Variants in GALNT5 observed in about 807,000 individuals in gnomAD.
GALNT5 encodes the protein UDP-GalNAc:polypeptide N-acetylgalactosaminyltransferase 5.
Under a neutral mutation model 85.4 loss-of-function variants are expected in GALNT5, and 72 were observed. The ratio of observed to expected loss-of-function variants is 0.84; its 90% CI spans 0.70 to 1.03. GALNT5 has a LOEUF of 1.03. Among genes scored for constraint, GALNT5 ranks in the 50% least tolerant of loss-of-function variants. The pLI, the probability that GALNT5 is intolerant of heterozygous loss-of-function variation, is 0.00. For missense variants in GALNT5, 1,137 were observed against 1,135.5 expected (o/e 1.00, Z -0.02); for synonymous variants, 404 against 397.0 (o/e 1.02, Z -0.21).
In GALNT5 at chr2:157,277,269, G is replaced by A. The variant is rs529896103; in HGVS notation, c.1455-7013G>A. The stretch of plus-strand genomic sequence containing the variant: ...ATGTGATCAATTTTAGAATAAGTGC[G>A]ATGTGGTGCTAAGAAGAATATATAT... On this transcript the variant is annotated intron_variant, in intron 1 of 9. Transcript: ENST00000259056. Among the ~76,000 whole-genome samples, 44 of 152,284 alleles carry A rather than the reference G, an allele frequency of 2.9e-4. No individual in the cohort carries two copies. The South Asian group carries it at 3.3e-3, about 11-fold the overall frequency.
At position 157,300,659 on chromosome 2, in the gene GALNT5, T is replaced by C. The variant is rs1372131846; in HGVS notation, c.2116-17T>C. 2.5e-6 allele frequency: 4 copies of C among 1,578,198 alleles called. No individual in the cohort carries two copies. Among genetic ancestry groups the C allele is most frequent in the African/African-American group, 1.3e-5 (1 of 74,240 alleles). ...ATAATCATTTGATAATTGATGCTTA[T>C]CATCAAATTCTTCCAGGTGTGGATG... On this transcript the variant is annotated splice_polypyrimidine_tract_variant and intron_variant, in intron 6 of 9. Transcript: ENST00000259056.
chr2:157,312,682 C>G lies in GALNT5; in HGVS notation c.*1334C>G, dbSNP rs111971183. The G allele has an allele frequency of 6.6e-6, 1 of 152,050 alleles. No homozygotes were observed. Among genetic ancestry groups the G allele is most frequent in the East Asian group, 1.9e-4 (1 of 5,198 alleles). 9.4% of individuals were successfully genotyped at this position (152,050 alleles called of 1,614,324 possible). On this transcript the variant is annotated 3_prime_UTR_variant, in exon 10 of 10. Coordinates refer to ENST00000259056, the MANE Select transcript of GALNT5 (RefSeq NM_014568.3). ...CTGAGAGGATAAATTACCTAAAAAT[C>G]TTAAAACCCAGGCAAGTTAGTCAAA...
chr2:157,264,421 G>C (rs959362680), intron 1 of GALNT5, among the ~76,000 whole-genome samples: 1 of 152,158 alleles, frequency 6.6e-6, no homozygotes, highest in African/African-American at 2.4e-5. Flanking sequence ...TGGCGTGCTT[G>C]TCTACCACTG....
At chr2:157,307,423 C>G (rs933117826) in intron 8 of GALNT5, among the ~76,000 whole-genome samples, 1 of 152,302 alleles carries the variant, frequency 6.6e-6, no homozygotes, top group African/African-American at 2.4e-5. Context: ...ACCTTTAAAG[C>G]AGTTGAAACG....
rs753158724 is a variant in GALNT5 at position 157,305,805 on chromosome 2, G to A, written c.2496G>A (p.Leu832=). The change falls in exon 8 of 10, where the codon CTG becomes CTA. Residue 832 remains leucine (L), a synonymous_variant. Transcript: ENST00000259056. ...CCATTGAAAACACTACAGTCATTCT[G>A]GAAGACTGCGATGGGAGCAAAGAGG... is the stretch of plus-strand genomic sequence containing the variant. ...CISIENTTVI[L]EDCDGSKELQ... 1 of 1,607,202 alleles carries A rather than the reference G, an allele frequency of 6.2e-7. No homozygotes were observed.
rs765703920 is a variant in GALNT5, at chr2:157,299,582, G to T, written c.2032G>T (p.Asp678Tyr). The T allele has an allele frequency of 5.0e-6, 8 of 1,612,942 alleles. No individual in the cohort carries two copies. In the African/African-American group the frequency reaches 1.1e-4, roughly 22 times the overall value. The change falls in exon 6 of 10, where the codon GAC (aspartate) becomes TAC (tyrosine). Residue 678 changes from aspartate (D) to tyrosine (Y), a missense_variant. Coordinates refer to ENST00000259056, the MANE Select transcript of GALNT5 (RefSeq NM_014568.3). The stretch of plus-strand genomic sequence containing the variant: ...CATGGCTGGTGGATTGTTTTCTATT[G>T]ACAAAAGTTACTTTTTTGAACTTGG... ...PVMAGGLFSI[D>Y]KSYFFELGTY...
intron 5 of GALNT5, among the ~76,000 whole-genome samples, chr2:157,297,222 G>A (rs147061558): frequency 2.0e-4 from 31 of 152,234 alleles, no homozygotes; most frequent in African/African-American, 6.5e-4. Flanking sequence ...AGCCCAGACC[G>A]TGCACCGAAG....
At chr2:157,274,082 TTC>T (rs1229366622) in intron 1 of GALNT5, among the ~76,000 whole-genome samples, 1 of 152,210 alleles carries the variant, frequency 6.6e-6, no homozygotes, top group Non-Finnish European at 1.5e-5. Context: ...GTGTTTGGTT[TTC>T]TGTCCTTGTG....
chr2:157,298,475 A>G (rs369550198), intron 5 of GALNT5, among the ~76,000 whole-genome samples: 6 of 152,210 alleles, frequency 3.9e-5, no homozygotes, highest in African/African-American at 1.4e-4. Context: ...CAGGGCGCCA[A>G]TTCACCGCAG....
rs777009184 is a variant in GALNT5 at position 157,308,734 on chromosome 2, C to A, written c.2682+6C>A. ...CAGTCTTTCATCCAGAACTGGTAAG[C>A]AAAAGATTGGTACCTCTTCTTTACC... On this transcript the variant is annotated splice_donor_region_variant and intron_variant, in intron 9 of 9. Coordinates refer to ENST00000259056, the MANE Select transcript of GALNT5 (RefSeq NM_014568.3). The A allele has an allele frequency of 6.2e-6, 10 of 1,604,368 alleles. No homozygotes were observed. The South Asian group carries it at 1.1e-4, about 18-fold the overall frequency.
chr2:157,300,782 T>C lies in GALNT5; in HGVS notation c.2222T>C (p.Val741Ala), dbSNP rs1683324336. 1.9e-6 allele frequency: 3 copies of C among 1,614,018 alleles called. No individual in the cohort carries two copies. The highest frequency in any genetic ancestry group is 2.5e-6 in the Non-Finnish European group (3 of 1,179,940). The change falls in exon 7 of 10, where the codon GTG (valine) becomes GCG (alanine). Residue 741 changes from valine (V) to alanine (A), a missense_variant. Coordinates refer to ENST00000259056, the MANE Select transcript of GALNT5 (RefSeq NM_014568.3). ...TTCCCCAAAGACCGGATGAAGACAG[T>C]GGAGCGGAACTTGGTGCGGGTTGCC... ...YSFPKDRMKT[V>A]ERNLVRVAEV...
rs1682232965 is a variant in GALNT5 at position 157,258,190 on chromosome 2, A to G, written c.108A>G (p.Ser36=). ...LLFDMAALRL[S]FSEINTRVIK... ...TTGACATGGCAGCTCTCCGCCTCTC[A>G]TTCAGTGAGATCAACACTCGGGTCA... Residue 36 remains serine (S), a synonymous_variant, in exon 1 of 10, where the codon TCA becomes TCG. Transcript: ENST00000259056. 1 of 1,612,664 alleles carries G rather than the reference A, an allele frequency of 6.2e-7. No homozygotes were observed. The highest frequency in any genetic ancestry group is 1.3e-5 in the African/African-American group (1 of 74,492).
intron 1 of GALNT5, among the ~76,000 whole-genome samples, chr2:157,271,515 A>G (rs1156876171): frequency 6.6e-6 from 1 of 152,210 alleles, no homozygotes; most frequent in East Asian, 1.9e-4. Context: ...GAGCTAGGGG[A>G]GGCAACTGTG....
intron 3 of GALNT5, among the ~76,000 whole-genome samples, chr2:157,294,237 G>C (rs972277229): frequency 2.6e-5 from 4 of 152,202 alleles, no homozygotes; most frequent in African/African-American, 9.6e-5. Flanking sequence ...CTGAACAGGA[G>C]AAGGCACTGG....
chr2:157,270,023 ATT>A (rs1480724787), intron 1 of GALNT5, among the ~76,000 whole-genome samples: 3 of 152,054 alleles, frequency 2.0e-5, no homozygotes, highest in African/African-American at 7.2e-5. Flanking sequence ...TTTCTCATTA[ATT>A]TATATTATAA....
intron 7 of GALNT5, among the ~76,000 whole-genome samples, chr2:157,304,263 G>C (rs1683407518): frequency 6.6e-6 from 1 of 152,142 alleles, no homozygotes; most frequent in Admixed American, 6.5e-5. Context: ...ACAGTGAGCT[G>C]TCTCCTCCCA....
chr2:157,307,104 A>G (rs1441319134), intron 8 of GALNT5, among the ~76,000 whole-genome samples: 1 of 152,096 alleles, frequency 6.6e-6, no homozygotes, highest in Non-Finnish European at 1.5e-5. Flanking sequence ...CTTGATGACC[A>G]TTGAGTCTTT....
rs1328685771 is a variant in GALNT5 at position 157,275,764 on chromosome 2, T to A, written c.1455-8518T>A. 2.0e-4 allele frequency among the ~76,000 whole-genome samples: 31 copies of A among 152,250 alleles called. 1 individual carries two copies. The highest frequency in any genetic ancestry group is 2.0e-3 in the Admixed American group (30 of 15,288). ...GTTTTTTAAATATACAATCATGTCA[T>A]CTGCAAACAGGGACAATTTGACTTC... On this transcript the variant is annotated intron_variant, in intron 1 of 9. Coordinates refer to ENST00000259056, the MANE Select transcript of GALNT5 (RefSeq NM_014568.3).
At chr2:157,287,343 G>A (rs1044528928) in intron 3 of GALNT5, among the ~76,000 whole-genome samples, 46 of 151,916 alleles carry the variant, frequency 3.0e-4, no homozygotes, top group African/African-American at 1.1e-3. Flanking sequence ...TTTTTATTTA[G>A]CTGGCATTCA....
Sources: gnomAD v4.1 joint callset for allele counts (sites outside exome capture counted in the v4.1 genomes callset) on GRCh38, gnomAD v4.1.1 for gene constraint, MANE v1.5 for transcripts, NCBI Gene and HGNC (gene_info 2026-07-23, HGNC 2026-07-21) for gene names.